The following ATAD2B variants were observed in gnomAD, a reference collection of about 807,000 sequenced individuals.
ATAD2B encodes ATPase family AAA domain-containing protein 2B.
In ATAD2B, 40 loss-of-function variants were observed where a neutral mutation model predicts 167.6. The observed-to-expected ratio is 0.24, with a 90% CI of 0.19 to 0.31. ATAD2B has a LOEUF of 0.31. ATAD2B is among the 10% of genes least tolerant of loss of function. The probability of loss-of-function intolerance (pLI) is 1.00; values close to 1 mark genes in which losing one functional copy is unlikely to be tolerated. For synonymous variants in ATAD2B, 579 were observed against 596.5 expected (o/e 0.97, Z 0.43); for missense variants, 1,242 against 1,757.2 (o/e 0.71, Z 5.24).
chr2:23,748,957 C>T lies in ATAD2B; in HGVS notation c.*3089G>A, dbSNP rs1336724539. 6.6e-6 allele frequency: 1 copy of T among 151,938 alleles called. No individual in the cohort carries two copies. The highest frequency in any genetic ancestry group is 1.5e-5 in the Non-Finnish European group (1 of 67,964). 9.4% of individuals were successfully genotyped at this position (151,938 alleles called of 1,614,324 possible). The stretch of plus-strand genomic sequence containing the variant: ...AGAATACAAAAGATGCAGGTACAAG[C>T]CCAAATTCAAGCTTACAATGTGATT... On this transcript the variant is annotated 3_prime_UTR_variant, in exon 28 of 28. Transcript: ENST00000238789.
intron 1 of ATAD2B, among the ~76,000 whole-genome samples, chr2:23,907,830 C>T (rs867693656): frequency 1.6e-4 from 25 of 152,052 alleles, no homozygotes; most frequent in South Asian, 8.3e-4. Flanking sequence ...TCAGAAATAA[C>T]GCCGCATATC....
the ATAD2B span, chr2:23,703,290 G>C: frequency 6.5e-7 from 1 of 1,549,278 alleles, no homozygotes; most frequent in Non-Finnish European, 8.7e-7. Flanking sequence ...GTGTTTGGTG[G>C]GGTGAACGAG....
At chr2:23,890,932 T>C (rs995981969) in intron 2 of ATAD2B, among the ~76,000 whole-genome samples, 1 of 152,182 alleles carries the variant, frequency 6.6e-6, no homozygotes, top group Non-Finnish European at 1.5e-5. Flanking sequence ...TCATAGATTA[T>C]TGTCATCATC....
the ATAD2B span, among the ~76,000 whole-genome samples, chr2:23,737,010 G>A: frequency 6.6e-6 from 1 of 152,208 alleles, no homozygotes; most frequent in African/African-American, 2.4e-5. Flanking sequence ...CGCCTGCATT[G>A]CTGAGTTAGT....
the ATAD2B span, among the ~76,000 whole-genome samples, chr2:23,728,328 C>T: frequency 6.6e-6 from 1 of 152,036 alleles, no homozygotes; most frequent in Non-Finnish European, 1.5e-5. Context: ...TATGCATGTA[C>T]AACACTTGTT....
At chr2:23,698,568 A>ATT in the ATAD2B span, among the ~76,000 whole-genome samples, 1 of 151,666 alleles carries the variant, frequency 6.6e-6, no homozygotes. Flanking sequence ...GGTGCATTAT[A>ATT]ATTATATTAC....
rs771999069 is a variant in ATAD2B at position 23,757,816 on chromosome 2, G to C, written c.3680C>G (p.Thr1227Arg). The part of the protein sequence containing the change: ...QGQRLNNGAG[T>R]KENFASTEEE... ...CTCAGTAGATGCAAAGTTCTCTTTT[G>C]TGCCTGCTCCATTGTTAAGCCTCTG... The change falls in exon 25 of 28, where the codon ACA (threonine) becomes AGA (arginine). Residue 1227 changes from threonine (T) to arginine (R), a missense_variant. By Grantham distance (71) the Thr-to-Arg change is moderately conservative. This residue lies in a region of ATAD2B where 282 missense variants were observed against 346.8 expected (regional missense o/e 0.81). Coordinates refer to ENST00000238789, the MANE Select transcript of ATAD2B (RefSeq NM_017552.4). 1 of 1,570,266 alleles carries C rather than the reference G, an allele frequency of 6.4e-7. No individual in the cohort carries two copies. Among genetic ancestry groups the C allele is most frequent in the South Asian group, 1.2e-5 (1 of 82,360 alleles).
chr2:23,699,557 C>T, the ATAD2B span, among the ~76,000 whole-genome samples: 1 of 152,322 alleles, frequency 6.6e-6, no homozygotes, highest in East Asian at 1.9e-4. Flanking sequence ...CTGCTTTTCC[C>T]AGCAGCTGCC....
At chr2:23,884,020 T>A (rs1182622658) in intron 6 of ATAD2B, among the ~76,000 whole-genome samples, 1 of 152,082 alleles carries the variant, frequency 6.6e-6, no homozygotes, top group African/African-American at 2.4e-5. Context: ...GGTGCACGCC[T>A]GTAATACTAG....
At chr2:23,769,086 G>C (rs1468236441) in intron 22 of ATAD2B, among the ~76,000 whole-genome samples, 3 of 152,102 alleles carry the variant, frequency 2.0e-5, no homozygotes. Context: ...GCAGGGGATT[G>C]GTTCTAGGAC....
At chr2:23,837,639 C>G (rs948744171) in intron 13 of ATAD2B, among the ~76,000 whole-genome samples, 47 of 152,364 alleles carry the variant, frequency 3.1e-4, no homozygotes, top group African/African-American at 1.1e-3. Flanking sequence ...TCCAGATGGC[C>G]TGCCGCTGCC....
chr2:23,737,325 G>C, the ATAD2B span, among the ~76,000 whole-genome samples: 6 of 152,170 alleles, frequency 3.9e-5, no homozygotes, highest in African/African-American at 1.4e-4. Flanking sequence ...ACCTCACACG[G>C]CTTGATACTC....
chr2:23,763,896 T>C (rs904814469), intron 23 of ATAD2B, among the ~76,000 whole-genome samples: 1 of 152,196 alleles, frequency 6.6e-6, no homozygotes, highest in Admixed American at 6.5e-5. Flanking sequence ...TCAGCCAGCA[T>C]GTTTTTGAAG....
chr2:23,825,926 A>G (rs1417175208), intron 15 of ATAD2B, among the ~76,000 whole-genome samples: 2 of 152,326 alleles, frequency 1.3e-5, no homozygotes, highest in East Asian at 1.9e-4. Flanking sequence ...TTCCAGACAA[A>G]GAAATGATCA....
chr2:23,687,225 G>A, the ATAD2B span, among the ~76,000 whole-genome samples: 20 of 152,186 alleles, frequency 1.3e-4, no homozygotes, highest in Non-Finnish European at 2.1e-4. Context: ...GTAGACCTCC[G>A]TGGGGATCAA....
intron 1 of ATAD2B, among the ~76,000 whole-genome samples, chr2:23,911,976 C>CAA (rs1160482347): frequency 7.3e-4 from 46 of 63,164 alleles, no homozygotes; most frequent in South Asian, 3.9e-3. Flanking sequence ...GATTCCATCT[C>CAA]AAAAAAAAAA....
chr2:23,677,982 T>C, the ATAD2B span, among the ~76,000 whole-genome samples: 4 of 152,388 alleles, frequency 2.6e-5, no homozygotes, highest in African/African-American at 9.6e-5. Flanking sequence ...CTCAAGGCTC[T>C]GATTTAATGG....
In ATAD2B at chr2:23,818,848, T is replaced by C. The variant is rs191421544; in HGVS notation, c.2267+899A>G. Among the ~76,000 whole-genome samples, 266 of 152,324 alleles carry C rather than the reference T, an allele frequency of 1.7e-3. 1 individual carries two copies. Among genetic ancestry groups the C allele is most frequent in the Non-Finnish European group, 3.2e-3 (218 of 68,026 alleles). On this transcript the variant is annotated intron_variant, in intron 17 of 27. Transcript: ENST00000238789. ...TTTAAAATTACATTTGCACTAAAAG[T>C]GTTTACCTATTATAGTGCACAGCAA...
At chr2:23,793,765 C>T (rs1572777161) in intron 19 of ATAD2B, among the ~76,000 whole-genome samples, 1 of 152,154 alleles carries the variant, frequency 6.6e-6, no homozygotes, top group East Asian at 1.9e-4. Flanking sequence ...GAAATGATGG[C>T]CAGTAACACC....
Sources: gnomAD v4.1 joint callset for allele counts (sites outside exome capture counted in the v4.1 genomes callset) on GRCh38, gnomAD v4.1.1 for gene constraint, gnomAD v4.1.1 regional missense constraint, MANE v1.5 for transcripts, NCBI Gene and HGNC (gene_info 2026-07-23, HGNC 2026-07-21) for gene names.